The following GALNT13 variants were observed in gnomAD, a reference collection of about 807,000 sequenced individuals.
GALNT13 encodes the protein polypeptide N-acetylgalactosaminyltransferase 13, also known as UDP-GalNAc:polypeptide N-acetylgalactosaminyltransferase 13.
In GALNT13, 28 loss-of-function variants were observed where a neutral mutation model predicts 64.2. The ratio of observed to expected loss-of-function variants is 0.44; its 90% CI spans 0.32 to 0.60. The LOEUF is 0.60. Ranked by LOEUF, GALNT13 falls within the 20% of genes least tolerant of loss-of-function variation. The probability of loss-of-function intolerance (pLI) is 0.05; values close to 1 mark genes in which losing one functional copy is unlikely to be tolerated. For missense variants in GALNT13, 577 were observed against 669.8 expected, an observed-to-expected ratio of 0.86 and a Z score of 1.53; for synonymous variants, 214 against 224.6, an observed-to-expected ratio of 0.95 and a Z score of 0.42.
At chr2:153,942,031 A>G (rs1691371671) in intron 2 of GALNT13, among the ~76,000 whole-genome samples, 4 of 152,176 alleles carry the variant, frequency 2.6e-5, no homozygotes, top group East Asian at 1.9e-4. Context: ...AATAACCTCA[A>G]CTGTTAGGCT....
chr2:153,605,691 A>G, the GALNT13 span, among the ~76,000 whole-genome samples: 1 of 152,106 alleles, frequency 6.6e-6, no homozygotes, highest in Non-Finnish European at 1.5e-5. Flanking sequence ...TCTTGCTTCT[A>G]CTGCTGTATA....
chr2:153,930,002 C>T (rs1421600499), intron 2 of GALNT13, among the ~76,000 whole-genome samples: 1 of 152,028 alleles, frequency 6.6e-6, no homozygotes, highest in African/African-American at 2.4e-5. Flanking sequence ...ACAATTTTGC[C>T]AGCCTCTGTT....
At chr2:154,096,209 G>GT (rs1702065289) in intron 3 of GALNT13, among the ~76,000 whole-genome samples, 1 of 151,890 alleles carries the variant, frequency 6.6e-6, no homozygotes, top group African/African-American at 2.4e-5. Context: ...TCAAGTCCTG[G>GT]TAAGTGTTTC....
the GALNT13 span, among the ~76,000 whole-genome samples, chr2:153,262,642 TCAACA>T: frequency 6.6e-6 from 1 of 152,078 alleles, no homozygotes; most frequent in African/African-American, 2.4e-5. Flanking sequence ...CAAAGCTAGT[TCAACA>T]TATCCAAATT....
At chr2:153,613,585 T>A in the GALNT13 span, among the ~76,000 whole-genome samples, 1 of 152,176 alleles carries the variant, frequency 6.6e-6, no homozygotes, top group Admixed American at 6.6e-5. Flanking sequence ...TATATACTAC[T>A]AATTTCTGAG....
At chr2:153,252,126 G>C in the GALNT13 span, among the ~76,000 whole-genome samples, 1 of 147,670 alleles carries the variant, frequency 6.8e-6, no homozygotes, top group African/African-American at 2.5e-5. Context: ...ATCCTCTCCA[G>C]CACCTGTTGT....
the GALNT13 span, among the ~76,000 whole-genome samples, chr2:153,861,567 T>C: frequency 2.8e-4 from 2 of 7,090 alleles, no homozygotes; most frequent in Admixed American, 6.9e-3. Context: ...TTCTTTTTTT[T>C]TTTTTTTTTT....
Position 154,208,624 on chromosome 2 carries a change from CTGTGTGTGTGTGTGTG to C in GALNT13, c.312-33376_312-33361del, listed in dbSNP as rs57789546. On this transcript the variant is annotated intron_variant, in intron 4 of 12. Coordinates refer to ENST00000392825, the MANE Select transcript of GALNT13 (RefSeq NM_052917.4). ...CTTATTTTAATCACGTTTTGCGTGT[CTGTGTGTGTGTGTGTG>C]TGTGTGTGTGTGTGTGTGTGTGTGT... 9.0e-4 allele frequency among the ~76,000 whole-genome samples: 127 copies of C among 140,456 alleles called. 1 individual carries two copies. The highest frequency in any genetic ancestry group is 2.9e-3 in the African/African-American group (107 of 37,456). The allele number at this position is 140,456 out of a possible 152,430, so 92.1% of individuals were successfully genotyped here. A position where few individuals can be genotyped will look rare whatever the true frequency, so the allele number is the denominator to read the frequency against.
At chr2:153,885,642 C>G (rs1687122072) in intron 1 of GALNT13, among the ~76,000 whole-genome samples, 1 of 151,976 alleles carries the variant, frequency 6.6e-6, no homozygotes, top group South Asian at 2.1e-4. Flanking sequence ...TTAAACGGTA[C>G]CAGTTACTGT....
the GALNT13 span, among the ~76,000 whole-genome samples, chr2:153,779,064 G>A: frequency 6.6e-6 from 1 of 152,090 alleles, no homozygotes; most frequent in African/African-American, 2.4e-5. Flanking sequence ...TTAAGGTTTT[G>A]CAAAGAACAA....
In GALNT13 at chr2:154,149,359, C is replaced by T. The variant is rs189547121; in HGVS notation, c.311+8854C>T. ...TGTAGTATAGTTTGAAGTCAGGTAGCGTGATGCCTCCAGCTTTGTTCTTTT... is the reference window on the plus strand; with the variant it reads ...TGTAGTATAGTTTGAAGTCAGGTAGTGTGATGCCTCCAGCTTTGTTCTTTT... On this transcript the variant is annotated intron_variant, in intron 4 of 12. Coordinates refer to ENST00000392825, the MANE Select transcript of GALNT13 (RefSeq NM_052917.4). Among the ~76,000 whole-genome samples the T allele has an allele frequency of 9.0e-3, 1,364 of 152,142 alleles. 15 individuals carry two copies. The highest frequency in any genetic ancestry group is 0.027 in the Middle Eastern group (8 of 294).
intron 3 of GALNT13, among the ~76,000 whole-genome samples, chr2:153,959,313 G>A (rs971337331): frequency 6.6e-6 from 1 of 152,172 alleles, no homozygotes; most frequent in African/African-American, 2.4e-5. Flanking sequence ...AGACCAAGTT[G>A]GGGGTCACAG....
the GALNT13 span, among the ~76,000 whole-genome samples, chr2:153,545,132 A>G: frequency 1.3e-5 from 2 of 151,962 alleles, no homozygotes; most frequent in African/African-American, 4.8e-5. Flanking sequence ...CGCTTAACCC[A>G]GTTAGATGTC....
chr2:153,189,952 T>G, the GALNT13 span, among the ~76,000 whole-genome samples: 1 of 152,122 alleles, frequency 6.6e-6, no homozygotes, highest in Non-Finnish European at 1.5e-5. Context: ...AATGGAACGT[T>G]TTTATGCTGT....
At chr2:153,625,863 C>T in the GALNT13 span, among the ~76,000 whole-genome samples, 1 of 152,090 alleles carries the variant, frequency 6.6e-6, no homozygotes, top group African/African-American at 2.4e-5. Flanking sequence ...CATTGCCGAC[C>T]TACAGCTTGC....
At chr2:153,625,787 T>G in the GALNT13 span, among the ~76,000 whole-genome samples, 2 of 152,070 alleles carry the variant, frequency 1.3e-5, no homozygotes, top group Non-Finnish European at 2.9e-5. Context: ...CAGGGGATCG[T>G]TCTTCATTCT....
chr2:154,056,444 T>C (rs1017506141), intron 3 of GALNT13, among the ~76,000 whole-genome samples: 1 of 152,196 alleles, frequency 6.6e-6, no homozygotes, highest in Non-Finnish European at 1.5e-5. Context: ...AGCTGATCAA[T>C]TTAAATGCCA....
chr2:153,258,213 A>C, the GALNT13 span, among the ~76,000 whole-genome samples: 32 of 152,224 alleles, frequency 2.1e-4, no homozygotes, highest in African/African-American at 7.7e-4. Context: ...AAATATAGTA[A>C]TACTAAAGTT....
chr2:154,375,549 G>T (rs1354681210), intron 9 of GALNT13, among the ~76,000 whole-genome samples: 2 of 151,974 alleles, frequency 1.3e-5, no homozygotes, highest in Admixed American at 6.6e-5. Context: ...ATTTATCACT[G>T]AAAAAGGGCA....
Sources: gnomAD v4.1 joint callset for allele counts (sites outside exome capture counted in the v4.1 genomes callset) on GRCh38, gnomAD v4.1.1 for gene constraint, MANE v1.5 for transcripts, NCBI Gene and HGNC (gene_info 2026-07-23, HGNC 2026-07-21) for gene names.